ARHGAP27: variants seen among roughly 807,000 people sequenced by gnomAD.
The protein encoded by ARHGAP27 is Rho GTPase activating protein 27, also known as rho GTPase-activating protein 27.
In ARHGAP27, 53 loss-of-function variants were observed where a neutral mutation model predicts 102.0. The observed-to-expected ratio is 0.52, with a 90% confidence interval of 0.42 to 0.65. ARHGAP27 has a LOEUF of 0.65. Among genes scored for constraint, ARHGAP27 ranks in the 30% least tolerant of loss-of-function variants. The pLI is 0.00. For missense variants in ARHGAP27, 1,117 were observed against 1,256.2 expected, an observed-to-expected ratio of 0.89 and a Z score of 1.68; for synonymous variants, 525 against 542.8, an observed-to-expected ratio of 0.97 and a Z score of 0.46.
At chr17:45,401,243 G>T (rs1234581568) in intron 12 of ARHGAP27, among the ~76,000 whole-genome samples, 1 of 152,178 alleles carries the variant, frequency 6.6e-6, no homozygotes, top group Admixed American at 6.5e-5. Context: ...GAAGCCTTAG[G>T]TGGGAAGATC....
chr17:45,410,166 A>ATTTT (rs2047733248), intron 4 of ARHGAP27: 3 of 1,511,760 alleles, frequency 2.0e-6, no homozygotes. Context: ...GCCCCAGCTC[A>ATTTT]CCCAGCTCCT....
chr17:45,409,953 T>C, intron 4 of ARHGAP27: 1 of 446,486 alleles, frequency 2.2e-6, no homozygotes, highest in Non-Finnish European at 4.0e-6. Flanking sequence ...GGGACCTGGC[T>C]CTCAGGCTCC....
At chr17:45,431,003 C>T (rs2050022740) in intron 3 of ARHGAP27, among the ~76,000 whole-genome samples, 1 of 152,082 alleles carries the variant, frequency 6.6e-6, no homozygotes, top group South Asian at 2.1e-4. Flanking sequence ...TGAGCCCGAG[C>T]CCGGCCCGCC....
At chr17:45,404,393 C>T (rs767493078) in intron 8 of ARHGAP27, 52 bp downstream of exon 8, 1 of 1,613,306 alleles carries the variant, frequency 6.2e-7, no homozygotes, top group Non-Finnish European at 8.5e-7. Flanking sequence ...TCCAGAAGCC[C>T]CCCACTGCTT....
intron 4 of ARHGAP27, among the ~76,000 whole-genome samples, chr17:45,419,512 G>GTGTATATATA (rs1555563610): frequency 1.7e-5 from 2 of 119,790 alleles, no homozygotes; most frequent in African/African-American, 6.9e-5. Context: ...TATGCTGTAT[G>GTGTATATATA]TATATATATA....
chr17:45,414,902 C>CAAA lies in ARHGAP27; in HGVS notation c.658-8822_658-8820dup, dbSNP rs35471470. ...GAAACCCCATCTCTACTAAAAATAC[C>CAAA]AAAAAAAAAAAAAAAAAAAAAATAG... On this transcript the variant is annotated intron_variant, in intron 4 of 19. Transcript: ENST00000685559. Among the ~76,000 whole-genome samples, 232 of 92,906 alleles carry CAAA rather than the reference C, an allele frequency of 2.5e-3. 1 individual carries two copies. Among genetic ancestry groups the CAAA allele is most frequent in the African/African-American group, 8.6e-3 (192 of 22,336 alleles). 60.9% of individuals were successfully genotyped at this position (92,906 alleles called of 152,430 possible).
chr17:45,416,050 T>C (rs1283226070), intron 4 of ARHGAP27, among the ~76,000 whole-genome samples: 1 of 151,422 alleles, frequency 6.6e-6, no homozygotes, highest in Admixed American at 6.6e-5. Context: ...TTTTTGTTTG[T>C]TTTTTGTTTT....
intron 4 of ARHGAP27, chr17:45,425,742 G>T: frequency 3.0e-6 from 2 of 660,978 alleles, no homozygotes; most frequent in Non-Finnish European, 3.8e-6. Context: ...AGCTCCACCT[G>T]CCTGGGCCTT....
intron 1 of ARHGAP27, among the ~76,000 whole-genome samples, 166 bp from the exon 2 acceptor site, chr17:45,432,515 C>T (rs1227565746): frequency 6.6e-6 from 1 of 152,324 alleles, no homozygotes; most frequent in African/African-American, 2.4e-5. Context: ...CTGCTTCCCT[C>T]CAGCCCCCAG....
At position 45,396,668 on chromosome 17, in the gene ARHGAP27, C is replaced by G. The variant is rs779023825; in HGVS notation, c.2074G>C (p.Asp692His). The change falls in exon 15 of 20, where the codon GAC becomes CAC. Residue 692 changes from aspartate (D) to histidine (H), a missense_variant and splice_region_variant. Asp to His is a moderately conservative substitution (Grantham distance 81). Around this residue, in one of 3 missense-constraint regions of ARHGAP27, gnomAD observed 493 missense variants for 505.5 expected, o/e 0.98. Transcript: ENST00000685559. ...QSLREKGYIKDQVFGCALAAL... is the reference protein window; with the variant it reads ...QSLREKGYIKHQVFGCALAAL... ...CCCGCCCCCCGCAGGCCTCGGGTAC[C>G]TTTGATGTAGCCCTTCTCCCGCAGC... 2.5e-6 allele frequency: 4 copies of G among 1,613,598 alleles called. No individual in the cohort carries two copies. The highest frequency in any genetic ancestry group is 3.4e-6 in the Non-Finnish European group (4 of 1,179,724).
chr17:45,404,564 C>T, intron 7 of ARHGAP27, 36 bp from the exon 8 acceptor site: 1 of 1,613,856 alleles, frequency 6.2e-7, no homozygotes, highest in East Asian at 2.2e-5. Flanking sequence ...TGATCTCTTC[C>T]TCTCTCCCCA....
At chr17:45,400,054 T>C (rs1218281982) in intron 12 of ARHGAP27, among the ~76,000 whole-genome samples, 1 of 152,068 alleles carries the variant, frequency 6.6e-6, no homozygotes, top group East Asian at 1.9e-4. Context: ...TTCCAGCTAC[T>C]GGGGAGGCTG....
At chr17:45,401,293 C>T (rs1181397334) in intron 12 of ARHGAP27, among the ~76,000 whole-genome samples, 1 of 150,194 alleles carries the variant, frequency 6.7e-6, no homozygotes, top group African/African-American at 2.5e-5. Context: ...GAGCTCTGAC[C>T]GTGCCACTGC....
intron 10 of ARHGAP27, 135 bp from the exon 11 acceptor site, chr17:45,403,844 C>A: frequency 1.0e-6 from 1 of 980,648 alleles, no homozygotes; most frequent in Non-Finnish European, 1.5e-6. Flanking sequence ...GGAATCCCGA[C>A]TCTAACACCT....
intron 12 of ARHGAP27, 80 bp downstream of exon 12, chr17:45,402,634 A>G (rs1355983860): frequency 1.3e-5 from 18 of 1,340,506 alleles, no homozygotes; most frequent in Non-Finnish European, 1.6e-5. Context: ...CCCCCAGGTC[A>G]TTTCCAGGTC....
chr17:45,399,964 C>T (rs186361446), intron 12 of ARHGAP27, among the ~76,000 whole-genome samples: 17 of 152,302 alleles, frequency 1.1e-4, no homozygotes, highest in Non-Finnish European at 2.1e-4. Flanking sequence ...ACCAGGAGTT[C>T]AATCCTGGGC....
chr17:45,397,276 C>T (rs915083988), intron 13 of ARHGAP27: 4 of 1,375,012 alleles, frequency 2.9e-6, no homozygotes, highest in Non-Finnish European at 3.7e-6. Flanking sequence ...CCCTTCCTAT[C>T]CTGGGGACTC....
At position 45,430,439 on chromosome 17, in the gene ARHGAP27, T is replaced by C. The variant is rs1024929511; in HGVS notation, c.-18-142A>G. 17 of 1,260,432 alleles carry C rather than the reference T, an allele frequency of 1.3e-5. No homozygotes were observed. In the East Asian group the frequency reaches 3.8e-4, roughly 28 times the overall value. 78.1% of individuals were successfully genotyped at this position (1,260,432 alleles called of 1,614,324 possible). ...GGCCTCAGTTTTCCCATCTCTAAAA[T>C]GGGAACTTGCATAAAATCACATGTA... On this transcript the variant is annotated intron_variant, in intron 3 of 19. Coordinates refer to ENST00000685559, the MANE Select transcript of ARHGAP27 (RefSeq NM_001282290.2). This position sits in a 1 kb window ranked among gnomAD's most constrained non-coding sequence, Gnocchi z 4.4.
At chr17:45,415,422 C>T (rs2048356395) in intron 4 of ARHGAP27, among the ~76,000 whole-genome samples, 1 of 152,176 alleles carries the variant, frequency 6.6e-6, no homozygotes, top group African/African-American at 2.4e-5. Context: ...ACTCCACCGC[C>T]TTGGGAGAGC....
Sources: allele counts gnomAD v4.1 joint callset (sites outside exome capture counted in the v4.1 genomes callset), GRCh38; gene constraint gnomAD v4.1.1; regional missense constraint gnomAD v4.1.1; non-coding constraint Gnocchi (gnomAD v3.1); transcripts MANE v1.5; gene names NCBI Gene and HGNC (gene_info 2026-07-23, HGNC 2026-07-21).